Variants in RAD51B observed in about 807,000 individuals in gnomAD.
RAD51B encodes RAD51 paralog B, also known as DNA repair protein RAD51 homolog 2.
Under a neutral mutation model 42.2 loss-of-function variants are expected in RAD51B, and 38 were observed. That is an observed-to-expected ratio of 0.90 (90% CI 0.70 to 1.18). The LOEUF is 1.18. Ranked by LOEUF, RAD51B falls within the 50% of genes most tolerant of loss-of-function variation. The pLI is 0.00. For synonymous variants in RAD51B, 154 were observed against 145.2 expected (o/e 1.06, Z -0.43); for missense variants, 373 against 400.7 (o/e 0.93, Z 0.59).
intron 10 of RAD51B, chr14:68,594,335 C>A: frequency 1.6e-6 from 1 of 623,300 alleles, no homozygotes; most frequent in Non-Finnish European, 2.5e-6. Context: ...CATTCTTTTG[C>A]ACATGTCTAC....
At chr14:68,021,437 A>T (rs1245194042) in intron 7 of RAD51B, among the ~76,000 whole-genome samples, 1 of 152,210 alleles carries the variant, frequency 6.6e-6, no homozygotes, top group African/African-American at 2.4e-5. Flanking sequence ...TCATTTTCCC[A>T]TATCTTCACT....
At chr14:68,380,356 T>C (rs1294673999) in intron 8 of RAD51B, among the ~76,000 whole-genome samples, 1 of 152,206 alleles carries the variant, frequency 6.6e-6, no homozygotes, top group Non-Finnish European at 1.5e-5. Context: ...CCTGATTAAC[T>C]GACCACACAC....
chr14:68,252,992 A>G (rs1178226033), intron 7 of RAD51B, among the ~76,000 whole-genome samples: 1 of 151,996 alleles, frequency 6.6e-6, no homozygotes, highest in Non-Finnish European at 1.5e-5. Flanking sequence ...CTAAGGCAGG[A>G]GAATCACTTG....
chr14:68,045,255 A>AAG (rs1351257461), intron 7 of RAD51B, among the ~76,000 whole-genome samples: 1 of 150,656 alleles, frequency 6.6e-6, no homozygotes, highest in Non-Finnish European at 1.5e-5. Flanking sequence ...AAAAAAAAAA[A>AAG]AAAAAAAAGA....
intron 4 of RAD51B, among the ~76,000 whole-genome samples, chr14:67,836,487 CT>C (rs61525158): frequency 0.027 from 3,775 of 141,458 alleles, 120 homozygotes; most frequent in African/African-American, 0.078. Flanking sequence ...AAATTAGCCT[CT>C]TTTTTTTTTT....
chr14:67,888,528 G>C (rs2140058514), intron 7 of RAD51B, among the ~76,000 whole-genome samples: 1 of 152,182 alleles, frequency 6.6e-6, no homozygotes, highest in South Asian at 2.1e-4. Context: ...AGGAGGTTGA[G>C]GTTGCATTGA....
chr14:67,925,798 GACTTCTGTGC>G (rs1489747983), intron 7 of RAD51B, among the ~76,000 whole-genome samples: 1 of 152,186 alleles, frequency 6.6e-6, no homozygotes, highest in African/African-American at 2.4e-5. Flanking sequence ...CCCAATTCTT[GACTTCTGTGC>G]ACTGGCAGGC....
intron 8 of RAD51B, among the ~76,000 whole-genome samples, chr14:68,293,838 T>A (rs1174602865): frequency 6.6e-6 from 1 of 152,234 alleles, no homozygotes; most frequent in Non-Finnish European, 1.5e-5. Context: ...GACACGACCA[T>A]GTCATATTCT....
chr14:67,848,087 T>C (rs1175383703), intron 4 of RAD51B, among the ~76,000 whole-genome samples: 1 of 152,142 alleles, frequency 6.6e-6, no homozygotes, highest in African/African-American at 2.4e-5. Context: ...GCACGATCTC[T>C]GCTCACTCCA....
intron 7 of RAD51B, among the ~76,000 whole-genome samples, chr14:68,117,081 A>G (rs2077561704): frequency 6.6e-6 from 1 of 152,208 alleles, no homozygotes; most frequent in Admixed American, 6.5e-5. Flanking sequence ...AGAGACATTA[A>G]AACATTTATT....
chr14:68,197,276 T>G (rs2079392057), intron 7 of RAD51B, among the ~76,000 whole-genome samples: 1 of 152,210 alleles, frequency 6.6e-6, no homozygotes. Context: ...GAAACTCACA[T>G]ACGTAGAAAT....
downstream of RAD51B, among the ~76,000 whole-genome samples, chr14:68,598,686 G>A (rs17105931): frequency 0.021 from 3,134 of 152,222 alleles, 106 homozygotes; most frequent in African/African-American, 0.07. Context: ...CCACGGTGCC[G>A]GGCTCCAGTG....
chr14:68,678,643 T>G (rs1893362629), intron 11 of RAD51B, among the ~76,000 whole-genome samples: 1 of 152,000 alleles, frequency 6.6e-6, no homozygotes, highest in Admixed American at 6.5e-5. Flanking sequence ...GCCTCAGCTT[T>G]TCATGGGGAT....
At chr14:68,601,870 A>G (rs1258192248) in intron 10 of RAD51B, among the ~76,000 whole-genome samples, 1 of 152,074 alleles carries the variant, frequency 6.6e-6, no homozygotes, top group Non-Finnish European at 1.5e-5. Flanking sequence ...TCATTCCCAC[A>G]AGCCCAACAG....
intron 7 of RAD51B, among the ~76,000 whole-genome samples, chr14:68,103,284 C>T (rs1353377824): frequency 6.6e-6 from 1 of 152,036 alleles, no homozygotes; most frequent in Non-Finnish European, 1.5e-5. Flanking sequence ...AAATGTATTC[C>T]CTGTATAATT....
chr14:68,364,952 G>C (rs2083110137), intron 8 of RAD51B, among the ~76,000 whole-genome samples: 1 of 152,216 alleles, frequency 6.6e-6, no homozygotes, highest in Non-Finnish European at 1.5e-5. Context: ...GAATTGGCAG[G>C]TGTTAGGGGC....
intron 8 of RAD51B, among the ~76,000 whole-genome samples, chr14:68,297,475 G>C (rs1460562110): frequency 6.6e-6 from 1 of 152,128 alleles, no homozygotes; most frequent in Non-Finnish European, 1.5e-5. Flanking sequence ...AGACTTTGGG[G>C]TGGGTTGGTC....
chr14:68,286,541 G>A (rs772510058), intron 7 of RAD51B, among the ~76,000 whole-genome samples: 3 of 152,048 alleles, frequency 2.0e-5, no homozygotes, highest in Non-Finnish European at 4.4e-5. Flanking sequence ...GTGTCTTCAG[G>A]CCTGGCCATT....
intron 7 of RAD51B, among the ~76,000 whole-genome samples, chr14:68,175,709 TTA>T (rs141177448): frequency 5.9e-5 from 9 of 152,288 alleles, no homozygotes; most frequent in Non-Finnish European, 1.2e-4. Context: ...CAGTTAACAT[TTA>T]TACATGAGAT....
Sources: allele counts gnomAD v4.1 joint callset (sites outside exome capture counted in the v4.1 genomes callset), GRCh38; gene constraint gnomAD v4.1.1; transcripts MANE v1.5; gene names NCBI Gene and HGNC (gene_info 2026-07-23, HGNC 2026-07-21).